The following TRAPPC8 variants were observed in gnomAD, a reference collection of about 807,000 sequenced individuals.
The protein encoded by TRAPPC8 is general sporulation gene 1 homolog.
Under a neutral mutation model 174.3 loss-of-function variants are expected in TRAPPC8, and 54 were observed. The observed-to-expected ratio is 0.31, with a 90% confidence interval of 0.25 to 0.39. TRAPPC8 has a LOEUF of 0.39. Among genes scored for constraint, TRAPPC8 ranks in the 10% least tolerant of loss-of-function variants. The pLI is 1.00. For missense variants in TRAPPC8, 1,531 were observed against 1,699.1 expected (o/e 0.90, Z 1.74); for synonymous variants, 630 against 579.9 (o/e 1.09, Z -1.24).
At chr18:31,942,115 G>A (rs2144344301) in intron 1 of TRAPPC8, among the ~76,000 whole-genome samples, 1 of 152,218 alleles carries the variant, frequency 6.6e-6, no homozygotes, top group Non-Finnish European at 1.5e-5. Context: ...ACAGCTACAC[G>A]GTAGTTCAGA....
In TRAPPC8 at chr18:31,897,770, TAC is replaced by T. The variant is rs1568108238; in HGVS notation, c.1596+14_1596+15del. 2 of 1,535,490 alleles carry T rather than the reference TAC, an allele frequency of 1.3e-6. No homozygotes were observed. Among genetic ancestry groups the T allele is most frequent in the South Asian group, 2.6e-5 (2 of 77,518 alleles). ...GAACAATGCTAATTAAAGCAAATAC[TAC>T]ACAGTTTCAGTACCTCACTGGTCAA... On this transcript the variant is annotated intron_variant, in intron 11 of 28. Coordinates refer to ENST00000283351, the MANE Select transcript of TRAPPC8 (RefSeq NM_014939.5).
At chr18:31,909,635 A>G (rs776860510) in intron 6 of TRAPPC8, 32 bp downstream of exon 6, 1 of 1,579,720 alleles carries the variant, frequency 6.3e-7, no homozygotes, top group Non-Finnish European at 8.5e-7. Flanking sequence ...ATTTTCAATC[A>G]AAAGAGAAAC....
Position 31,942,794 on chromosome 18 carries a change from C to A in TRAPPC8, c.-30G>T. On this transcript the variant is annotated 5_prime_UTR_variant, in exon 1 of 29. Transcript: ENST00000283351. ...GCAGCACAGGCAGCGGCGGCGCCCG[C>A]CCTCCGGCCCACCCTGCGAGGTTAT... is the stretch of plus-strand genomic sequence containing the variant. 2 of 1,369,286 alleles carry A rather than the reference C, an allele frequency of 1.5e-6. No individual in the cohort carries two copies. Among genetic ancestry groups the A allele is most frequent in the Non-Finnish European group, 1.9e-6 (2 of 1,051,744 alleles). The allele number at this position is 1,369,286 out of a possible 1,614,324, so 84.8% of individuals were successfully genotyped here.
At chr18:31,857,402 A>C in intron 20 of TRAPPC8, 138 bp downstream of exon 20, 2 of 815,356 alleles carry the variant, frequency 2.5e-6, no homozygotes, top group Non-Finnish European at 3.5e-6. Context: ...TATTTGAGAC[A>C]ATTTCAGATA....
intron 10 of TRAPPC8, among the ~76,000 whole-genome samples, chr18:31,899,777 TCTA>T (rs1053087555): frequency 1.3e-5 from 2 of 151,956 alleles, no homozygotes; most frequent in Non-Finnish European, 2.9e-5. Context: ...AAACACCTTC[TCTA>T]CTAAAAATAC....
At chr18:31,865,559 G>A (rs1438977219) in intron 18 of TRAPPC8, among the ~76,000 whole-genome samples, 1 of 151,776 alleles carries the variant, frequency 6.6e-6, no homozygotes, top group Non-Finnish European at 1.5e-5. Flanking sequence ...TTAGAAGATA[G>A]GATTTTAACA....
intron 26 of TRAPPC8, among the ~76,000 whole-genome samples, chr18:31,844,196 T>A (rs2033261699): frequency 6.6e-6 from 1 of 152,172 alleles, no homozygotes; most frequent in South Asian, 2.1e-4. Context: ...ACTACAAGTA[T>A]ACCAAACAAT....
rs146604888 is a variant in TRAPPC8 at position 31,838,927 on chromosome 18, C to A, written c.3983+385G>T. On this transcript the variant is annotated intron_variant, in intron 27 of 28. Transcript: ENST00000283351. ...ATTCCATCCTATCCCCATCCCCATC[C>A]AGGGTGTTTGCACCAAAATTCATAC... Among the ~76,000 whole-genome samples the A allele has an allele frequency of 5.1e-3, 769 of 152,236 alleles. 2 individuals are homozygous for A. The highest frequency in any genetic ancestry group is 8.8e-3 in the Non-Finnish European group (599 of 68,006).
intron 5 of TRAPPC8, among the ~76,000 whole-genome samples, chr18:31,911,511 G>A (rs1000501453): frequency 6.6e-6 from 1 of 151,490 alleles, no homozygotes; most frequent in Non-Finnish European, 1.5e-5. Context: ...GGCTGAGGCA[G>A]GGGGATAACT....
chr18:31,937,074 C>T (rs2038137797), intron 1 of TRAPPC8, among the ~76,000 whole-genome samples: 2 of 149,984 alleles, frequency 1.3e-5, no homozygotes, highest in South Asian at 2.1e-4. Flanking sequence ...ATTAGCCAGG[C>T]GTGGTGGTGG....
intron 11 of TRAPPC8, among the ~76,000 whole-genome samples, chr18:31,893,722 A>G (rs1023016921): frequency 1.3e-5 from 2 of 152,112 alleles, no homozygotes; most frequent in African/African-American, 4.8e-5. Context: ...CTCCCTAATT[A>G]TTGTTTCTAT....
In TRAPPC8 at chr18:31,928,158, A is replaced by AAAAAT. The variant is rs200682708; in HGVS notation, c.352+3166_352+3170dup. On this transcript the variant is annotated intron_variant, in intron 2 of 28. Transcript: ENST00000283351. ...GCAAAAGAGTGAGACTCCGACTAAA[A>AAAAAT]AAAATAAAATAAAATAAAATAAAAT... Among the ~76,000 whole-genome samples, 1,179 of 150,790 alleles carry AAAAAT rather than the reference A, an allele frequency of 7.8e-3. 46 individuals carry two copies. The East Asian group carries it at 0.11, about 14-fold the overall frequency.
chr18:31,911,823 C>CA (rs1416636128), intron 5 of TRAPPC8, among the ~76,000 whole-genome samples: 4 of 144,810 alleles, frequency 2.8e-5, no homozygotes, highest in Non-Finnish European at 6.0e-5. Context: ...CCTGTAATCC[C>CA]AGCACTTTGG....
At chr18:31,885,100 G>C (rs1338411492) in intron 12 of TRAPPC8, among the ~76,000 whole-genome samples, 1 of 152,056 alleles carries the variant, frequency 6.6e-6, no homozygotes, top group East Asian at 1.9e-4. Flanking sequence ...CTCGTGATCC[G>C]CCTGCGTCGG....
At position 31,875,074 on chromosome 18, in the gene TRAPPC8, G is replaced by A. The variant is rs546569326; in HGVS notation, c.1729-370C>T. On this transcript the variant is annotated intron_variant, in intron 12 of 28. Coordinates refer to ENST00000283351, the MANE Select transcript of TRAPPC8 (RefSeq NM_014939.5). The stretch of plus-strand genomic sequence containing the variant: ...ACTTTATCTACCTTAAATTCTTTCT[G>A]GAAAAAGGCAAGGGATATGTAAACA... Among the ~76,000 whole-genome samples the A allele has an allele frequency of 1.3e-4, 20 of 152,080 alleles. No homozygotes were observed. The South Asian group carries it at 4.2e-3, about 32-fold the overall frequency.
intron 11 of TRAPPC8, among the ~76,000 whole-genome samples, chr18:31,893,102 G>A (rs1193925173): frequency 6.6e-6 from 1 of 151,348 alleles, no homozygotes; most frequent in Non-Finnish European, 1.5e-5. Context: ...CATATGTTTA[G>A]GGGATTTTGT....
intron 2 of TRAPPC8, among the ~76,000 whole-genome samples, chr18:31,923,791 C>T (rs1341256285): frequency 6.6e-6 from 1 of 151,654 alleles, no homozygotes; most frequent in East Asian, 1.9e-4. Context: ...TAGTTTAATC[C>T]TACTTAAGCC....
Position 31,874,633 on chromosome 18 carries a change from C to T in TRAPPC8, c.1800G>A (p.Glu600=). The change falls in exon 13 of 29, where the codon GAG becomes GAA. Residue 600 remains glutamate (E), a synonymous_variant. Coordinates refer to ENST00000283351, the MANE Select transcript of TRAPPC8 (RefSeq NM_014939.5). ...VYKGKGWSLA[E]DHINFTIGRQ... is the part of the protein sequence containing the mutation. ...GCCCAATAGTGAAATTAATGTGATC[C>T]TCTGCAAGAGACCAGCCTTTTCCTT... 2 of 1,614,084 alleles carry T rather than the reference C, an allele frequency of 1.2e-6. No individual in the cohort carries two copies. The highest frequency in any genetic ancestry group is 1.1e-5 in the South Asian group (1 of 91,078).
At chr18:31,893,231 G>C (rs1238872030) in intron 11 of TRAPPC8, among the ~76,000 whole-genome samples, 1 of 152,094 alleles carries the variant, frequency 6.6e-6, no homozygotes, top group Non-Finnish European at 1.5e-5. Context: ...TTTGCAAATA[G>C]TATTTTCCAG....
Sources: allele counts gnomAD v4.1 joint callset (sites outside exome capture counted in the v4.1 genomes callset), GRCh38; gene constraint gnomAD v4.1.1; transcripts MANE v1.5; gene names NCBI Gene and HGNC (gene_info 2026-07-23, HGNC 2026-07-21).